HS6ST3: variants seen among roughly 807,000 people sequenced by gnomAD.
The protein encoded by HS6ST3 is heparan-sulfate 6-O-sulfotransferase 3.
In HS6ST3, 12 loss-of-function variants were observed where a neutral mutation model predicts 36.7. That is an observed-to-expected ratio of 0.33 (90% CI 0.21 to 0.53). The LOEUF is 0.53. Ranked by LOEUF, HS6ST3 falls within the 20% of genes least tolerant of loss-of-function variation. The probability of loss-of-function intolerance (pLI) is 0.95; values close to 1 mark genes in which losing one functional copy is unlikely to be tolerated. For missense variants in HS6ST3, 584 were observed against 640.9 expected (o/e 0.91, Z 0.96); for synonymous variants, 240 against 257.5 (o/e 0.93, Z 0.65).
At chr13:96,713,871 A>G (rs567792529) in intron 1 of HS6ST3, among the ~76,000 whole-genome samples, 22 of 152,276 alleles carry the variant, frequency 1.4e-4, no homozygotes, top group African/African-American at 4.8e-4. Flanking sequence ...GAGCAGAACA[A>G]AGAGCCTAGC....
At chr13:96,524,858 C>T (rs916131941) in intron 1 of HS6ST3, among the ~76,000 whole-genome samples, 11 of 152,270 alleles carry the variant, frequency 7.2e-5, no homozygotes, top group African/African-American at 1.9e-4. Flanking sequence ...CTCTGTGGGC[C>T]GCACCCACTG....
chr13:96,724,174 C>T (rs568700579), intron 1 of HS6ST3, among the ~76,000 whole-genome samples: 1 of 152,194 alleles, frequency 6.6e-6, no homozygotes, highest in African/African-American at 2.4e-5. Flanking sequence ...CATTTATGAA[C>T]ACTTAAAACA....
intron 1 of HS6ST3, among the ~76,000 whole-genome samples, chr13:96,634,089 G>T (rs1359432986): frequency 6.6e-6 from 1 of 152,160 alleles, no homozygotes; most frequent in South Asian, 2.1e-4. Flanking sequence ...CTGGAAGAGG[G>T]CCCTCACCAG....
At chr13:96,287,511 A>C (rs749558911) in intron 1 of HS6ST3, among the ~76,000 whole-genome samples, 2 of 152,166 alleles carry the variant, frequency 1.3e-5, no homozygotes, top group Admixed American at 1.3e-4. Flanking sequence ...TTTAAAATGG[A>C]ATAATACCTA....
chr13:96,347,601 A>G (rs563891754), intron 1 of HS6ST3, among the ~76,000 whole-genome samples: 5 of 152,368 alleles, frequency 3.3e-5, no homozygotes, highest in East Asian at 3.9e-4. Context: ...GTTAACATTA[A>G]TAGAAATTAA....
intron 1 of HS6ST3, among the ~76,000 whole-genome samples, chr13:96,804,795 G>A (rs1878158156): frequency 6.6e-6 from 1 of 152,138 alleles, no homozygotes; most frequent in Non-Finnish European, 1.5e-5. Flanking sequence ...AGAAGCTTCA[G>A]TGGACTTCTA....
At chr13:96,313,675 T>A (rs187851528) in intron 1 of HS6ST3, among the ~76,000 whole-genome samples, 33 of 152,318 alleles carry the variant, frequency 2.2e-4, no homozygotes, top group Non-Finnish European at 3.2e-4. Context: ...TCCTCACTGA[T>A]GTGTTTCATT....
rs924422115 is a variant in HS6ST3, at chr13:96,563,084, C to A, written c.708-269406C>A. 1.6e-3 allele frequency among the ~76,000 whole-genome samples: 234 copies of A among 149,712 alleles called. 2 individuals are homozygous for A. The highest frequency in any genetic ancestry group is 3.0e-3 in the Non-Finnish European group (206 of 67,698). ...AGTCCAAGGCTGGAAAGCCAGTTAGCAATTCAACCTATACCATATTTTCTT... is the reference window on the plus strand; with the variant it reads ...AGTCCAAGGCTGGAAAGCCAGTTAGAAATTCAACCTATACCATATTTTCTT... On this transcript the variant is annotated intron_variant, in intron 1 of 1. Coordinates refer to ENST00000376705, the MANE Select transcript of HS6ST3 (RefSeq NM_153456.4).
intron 1 of HS6ST3, among the ~76,000 whole-genome samples, chr13:96,818,566 CT>C (rs1878470321): frequency 6.6e-6 from 1 of 152,144 alleles, no homozygotes; most frequent in Non-Finnish European, 1.5e-5. Flanking sequence ...AGACAAAAGC[CT>C]TGGTGTTTGG....
intron 1 of HS6ST3, among the ~76,000 whole-genome samples, chr13:96,213,201 A>C (rs2054407228): frequency 6.6e-6 from 1 of 152,154 alleles, no homozygotes; most frequent in Non-Finnish European, 1.5e-5. Context: ...TTTTCCTTAA[A>C]ATTTTGGTTC....
intron 1 of HS6ST3, among the ~76,000 whole-genome samples, chr13:96,590,972 G>A (rs2056380018): frequency 6.6e-6 from 1 of 151,440 alleles, no homozygotes; most frequent in Admixed American, 6.6e-5. Flanking sequence ...TATGTTCTTG[G>A]TATCTTTGTC....
At chr13:96,339,023 G>T (rs576186660) in intron 1 of HS6ST3, among the ~76,000 whole-genome samples, 6 of 152,056 alleles carry the variant, frequency 3.9e-5, no homozygotes, top group Non-Finnish European at 5.9e-5. Flanking sequence ...CCTGCTGTAC[G>T]TTGGGATATA....
At chr13:96,464,345 C>G (rs1242854451) in intron 1 of HS6ST3, among the ~76,000 whole-genome samples, 1 of 151,878 alleles carries the variant, frequency 6.6e-6, no homozygotes, top group African/African-American at 2.4e-5. Flanking sequence ...GCTGATCTCC[C>G]ATGTCCTTGG....
chr13:96,838,107 G>A lies in HS6ST3; in HGVS notation c.*4909G>A, dbSNP rs1181952253. The A allele has an allele frequency of 2.0e-5, 3 of 152,180 alleles. No homozygotes were observed. The highest frequency in any genetic ancestry group is 4.4e-5 in the Non-Finnish European group (3 of 68,048). 9.4% of individuals were successfully genotyped at this position (152,180 alleles called of 1,614,324 possible). On this transcript the variant is annotated 3_prime_UTR_variant, in exon 2 of 2. Coordinates refer to ENST00000376705, the MANE Select transcript of HS6ST3 (RefSeq NM_153456.4). ...GGATCATTTAGAGATGGGGGTTAGG[G>A]AGAGTAGGAGTAACTCTAGAGAAAA...
At chr13:96,328,510 C>T (rs2055045548) in intron 1 of HS6ST3, among the ~76,000 whole-genome samples, 1 of 151,970 alleles carries the variant, frequency 6.6e-6, no homozygotes, top group African/African-American at 2.4e-5. Context: ...TTGAACCAGC[C>T]TTGCATCCCA....
chr13:96,113,260 ACTAT>A (rs1322164206), intron 1 of HS6ST3, among the ~76,000 whole-genome samples: 1 of 152,156 alleles, frequency 6.6e-6, no homozygotes, highest in Non-Finnish European at 1.5e-5. Context: ...AAGGTCACAG[ACTAT>A]CTATGGGGAG....
intron 1 of HS6ST3, among the ~76,000 whole-genome samples, chr13:96,324,348 G>A (rs1256090849): frequency 3.3e-5 from 5 of 152,132 alleles, no homozygotes; most frequent in African/African-American, 1.2e-4. Flanking sequence ...AGAGCATAGC[G>A]TCCTGGAAAT....
chr13:96,430,207 A>G (rs1358216371), intron 1 of HS6ST3, among the ~76,000 whole-genome samples: 1 of 152,218 alleles, frequency 6.6e-6, no homozygotes, highest in South Asian at 2.1e-4. Flanking sequence ...TGAAATTAAA[A>G]TGAACCTAAT....
intron 1 of HS6ST3, among the ~76,000 whole-genome samples, chr13:96,126,969 G>A (rs1367628940): frequency 6.6e-6 from 1 of 152,074 alleles, no homozygotes; most frequent in East Asian, 1.9e-4. Flanking sequence ...GCCTATAAAG[G>A]TGATCCCTAC....
Sources: gnomAD v4.1 joint callset for allele counts (sites outside exome capture counted in the v4.1 genomes callset) on GRCh38, gnomAD v4.1.1 for gene constraint, MANE v1.5 for transcripts, NCBI Gene and HGNC (gene_info 2026-07-23, HGNC 2026-07-21) for gene names.